Variants in EXOC1 observed in about 807,000 individuals in gnomAD.
EXOC1 encodes the protein SEC3-like 1.
In EXOC1, 67 loss-of-function variants were observed where a neutral mutation model predicts 107.7. That is an observed-to-expected ratio of 0.62 (90% CI 0.51 to 0.76). EXOC1 has a LOEUF of 0.76. EXOC1 is among the 30% of genes least tolerant of loss of function. The pLI, the probability that EXOC1 is intolerant of heterozygous loss-of-function variation, is 0.00. For synonymous variants in EXOC1, 348 were observed against 353.5 expected (o/e 0.98, Z 0.17); for missense variants, 833 against 1,055.7 (o/e 0.79, Z 2.92).
intron 15 of EXOC1, among the ~76,000 whole-genome samples, chr4:55,894,379 A>G (rs113739127): frequency 0.016 from 2,407 of 151,972 alleles, 70 homozygotes; most frequent in African/African-American, 0.055. Flanking sequence ...TTATTAGTCA[A>G]TGACCATTGA....
At chr4:55,888,826 G>A in intron 10 of EXOC1, 62 bp from the exon 11 acceptor site, 2 of 1,546,306 alleles carry the variant, frequency 1.3e-6, no homozygotes, top group Non-Finnish European at 1.8e-6. Flanking sequence ...TGCATGGTTT[G>A]TGCAAATTGC....
In EXOC1 at chr4:55,870,809, A is replaced by G; in HGVS notation, c.735A>G (p.Val245=). Residue 245 remains valine (V), a synonymous_variant, in exon 6 of 19, where the codon GTA becomes GTG. Coordinates refer to ENST00000381295, the MANE Select transcript of EXOC1 (RefSeq NM_001024924.2). The part of the protein sequence containing the change: ...LSSYEEMLQS[V]KEQMDQISES... ...GTTATGAGGAAATGCTCCAAAGTGTAAAAGAACAAATGGATCAGATCTCTG... is the reference window on the plus strand; with the variant it reads ...GTTATGAGGAAATGCTCCAAAGTGTGAAAGAACAAATGGATCAGATCTCTG... The G allele has an allele frequency of 6.2e-7, 1 of 1,613,938 alleles. No homozygotes were observed.
In EXOC1 at chr4:55,868,348, G is replaced by A; in HGVS notation, c.428G>A (p.Ser143Asn). ...TTACCTCTTTAAGAATCTGTTCCAA[G>A]TGGAGAAAATCAGAGTGTGACAGGA... is the stretch of plus-strand genomic sequence containing the variant. ...SSQLLEESVP[S>N]GENQSVTGGD... Residue 143 changes from serine (S) to asparagine (N), a missense_variant, in exon 5 of 19, where the codon AGT becomes AAT. Physicochemically the swap from Ser to Asn is conservative, Grantham distance 46. This residue lies in a region of EXOC1 where 617 missense variants were observed against 701.3 expected (regional missense o/e 0.88). Coordinates refer to ENST00000381295, the MANE Select transcript of EXOC1 (RefSeq NM_001024924.2). The A allele has an allele frequency of 3.7e-6, 6 of 1,611,258 alleles. No individual in the cohort carries two copies. Among genetic ancestry groups the A allele is most frequent in the Non-Finnish European group, 5.1e-6 (6 of 1,178,228 alleles).
chr4:55,863,616 A>C (rs993380742), intron 3 of EXOC1, among the ~76,000 whole-genome samples: 1 of 152,158 alleles, frequency 6.6e-6, no homozygotes, highest in African/African-American at 2.4e-5. Context: ...TGTCTCAAAA[A>C]AATAAAGAAC....
chr4:55,892,262 A>C (rs1470631660), intron 13 of EXOC1, among the ~76,000 whole-genome samples: 1 of 151,972 alleles, frequency 6.6e-6, no homozygotes. Context: ...AGATTTCCTT[A>C]ATTTTTTAAA....
In EXOC1 at chr4:55,891,297, C is replaced by A; in HGVS notation, c.1540-18C>A. 6.6e-7 allele frequency: 1 copy of A among 1,512,704 alleles called. No individual in the cohort carries two copies. The highest frequency in any genetic ancestry group is 9.2e-7 in the Non-Finnish European group (1 of 1,088,224). The allele number at this position is 1,512,704 out of a possible 1,614,324, so 93.7% of individuals were successfully genotyped here. A position where few individuals can be genotyped will look rare whatever the true frequency, so the allele number is the denominator to read the frequency against. ...TGGTGCAGTTCTTTCGTTATAGGAT[C>A]ACTTTGGTTTTCTTCAGATCTTTGA... On this transcript the variant is annotated intron_variant, in intron 12 of 18. Transcript: ENST00000381295.
rs577021300 is a variant in EXOC1 at position 55,876,070 on chromosome 4, G to T, written c.1075-1847G>T. The T allele has an allele frequency of 4.8e-4, 469 of 984,808 alleles. 4 individuals carry two copies. In the African/African-American group the frequency reaches 7.5e-3, roughly 16 times the overall value. The allele number at this position is 984,808 out of a possible 1,614,324, so 61.0% of individuals were successfully genotyped here. A position where few individuals can be genotyped will look rare whatever the true frequency, so the allele number is the denominator to read the frequency against. On this transcript the variant is annotated intron_variant, in intron 8 of 18. Transcript: ENST00000381295. The stretch of plus-strand genomic sequence containing the variant: ...ATTTCTGTAATAGAATGTTTATATT[G>T]ACCTTTGGCAACATAGAAATAGATA...
chr4:55,854,196 C>T (rs1307790954), intron 1 of EXOC1, among the ~76,000 whole-genome samples: 2 of 148,534 alleles, frequency 1.3e-5, no homozygotes, highest in Admixed American at 1.3e-4. Context: ...TCCCCCCCAC[C>T]CCCCGCCAAA....
chr4:55,887,957 C>G (rs1440703111), intron 10 of EXOC1, among the ~76,000 whole-genome samples: 1 of 152,172 alleles, frequency 6.6e-6, no homozygotes, highest in African/African-American at 2.4e-5. Flanking sequence ...GAAGATATAC[C>G]AGTCACTGAT....
chr4:55,872,230 TA>T (rs757306393), intron 8 of EXOC1, among the ~76,000 whole-genome samples: 10 of 151,150 alleles, frequency 6.6e-5, no homozygotes, highest in Non-Finnish European at 1.0e-4. Context: ...ATATACTACT[TA>T]GATATTTTTA....
chr4:55,860,722 A>C (rs1438911650), intron 3 of EXOC1, among the ~76,000 whole-genome samples, 181 bp downstream of exon 3: 1 of 151,140 alleles, frequency 6.6e-6, no homozygotes, highest in Admixed American at 6.6e-5. Flanking sequence ...GAGAAAAATT[A>C]CTTTGACTGT....
chr4:55,891,491 T>A lies in EXOC1; in HGVS notation c.1647+69T>A, dbSNP rs1322977832. On this transcript the variant is annotated intron_variant, in intron 13 of 18. Coordinates refer to ENST00000381295, the MANE Select transcript of EXOC1 (RefSeq NM_001024924.2). ...TATAATTAGCTTAATTAATATGTGG[T>A]CACAATTTTATGATCAGAAGAGAAA... 7.0e-5 allele frequency: 73 copies of A among 1,048,470 alleles called. 1 individual carries two copies. The South Asian group carries it at 9.5e-4, about 14-fold the overall frequency. 64.9% of individuals were successfully genotyped at this position (1,048,470 alleles called of 1,614,324 possible). A position where few individuals can be genotyped will look rare whatever the true frequency, so the allele number is the denominator to read the frequency against.
chr4:55,895,739 A>G (rs1206917277), intron 15 of EXOC1, among the ~76,000 whole-genome samples: 1 of 152,188 alleles, frequency 6.6e-6, no homozygotes, highest in Non-Finnish European at 1.5e-5. Context: ...TGAACCTAAG[A>G]TTCTGTCTGC....
chr4:55,876,209 T>C (rs1722882951), intron 8 of EXOC1: 1 of 985,394 alleles, frequency 1.0e-6, no homozygotes, highest in Non-Finnish European at 1.2e-6. Context: ...AAATACAGAA[T>C]TGTTCCATTC....
intron 1 of EXOC1, among the ~76,000 whole-genome samples, chr4:55,856,884 C>T (rs528409903): frequency 6.6e-6 from 1 of 152,148 alleles, no homozygotes; most frequent in African/African-American, 2.4e-5. Context: ...TTGGCATATT[C>T]ACAAGGTTGT....
intron 14 of EXOC1, among the ~76,000 whole-genome samples, 184 bp downstream of exon 14, chr4:55,892,895 A>C (rs1372979813): frequency 6.6e-6 from 1 of 152,120 alleles, no homozygotes; most frequent in African/African-American, 2.4e-5. Context: ...ATGGCTCTTC[A>C]ACTCTTCCTT....
Position 55,893,687 on chromosome 4 carries a change from G to A in EXOC1, c.1860G>A (p.Val620=), listed in dbSNP as rs1724846747. 4 of 1,613,984 alleles carry A rather than the reference G, an allele frequency of 2.5e-6. No individual in the cohort carries two copies. The highest frequency in any genetic ancestry group is 2.2e-5 in the East Asian group (1 of 44,872). The change falls in exon 15 of 19, where the codon GTG becomes GTA. Residue 620 remains valine, a synonymous_variant. Transcript: ENST00000381295. ...TGTTAGTCAAAATGAGTCATCATGT[G>A]TGGACTGCACAAAATGTGGACCCTG... is the stretch of plus-strand genomic sequence containing the variant. ...LYMLVKMSHH[V]WTAQNVDPAS...
intron 2 of EXOC1, among the ~76,000 whole-genome samples, chr4:55,860,165 C>G (rs1320702409): frequency 1.3e-5 from 2 of 152,198 alleles, no homozygotes; most frequent in Non-Finnish European, 2.9e-5. Flanking sequence ...TTCTTTAAAA[C>G]TGGTCTGAAT....
chr4:55,904,420 T>G lies in EXOC1; in HGVS notation c.2610T>G (p.Pro870=). The G allele has an allele frequency of 6.2e-7, 1 of 1,613,330 alleles. No individual in the cohort carries two copies. The highest frequency in any genetic ancestry group is 1.7e-4 in the Middle Eastern group (1 of 6,058). ...HFEGLIARCY[P]GSGVTMEFTI... ...AAGGTTTGATAGCTCGCTGTTATCC[T>G]GGATCTGGTGTTACAATGGAATTCA... Residue 870 remains proline, a synonymous_variant, in exon 19 of 19, where the codon CCT becomes CCG. Transcript: ENST00000381295.
Sources: gnomAD v4.1 joint callset for allele counts (sites outside exome capture counted in the v4.1 genomes callset) on GRCh38, gnomAD v4.1.1 for gene constraint, gnomAD v4.1.1 regional missense constraint, MANE v1.5 for transcripts, NCBI Gene and HGNC (gene_info 2026-07-23, HGNC 2026-07-21) for gene names.